Variants in MUSK observed in about 807,000 individuals in gnomAD.
The protein encoded by MUSK is muscle, skeletal receptor tyrosine-protein kinase.
In MUSK, 55 loss-of-function variants were observed where a neutral mutation model predicts 88.7. The ratio of observed to expected loss-of-function variants is 0.62; its 90% CI spans 0.50 to 0.78. The LOEUF (loss-of-function observed/expected upper bound fraction) is 0.78. Ranked by LOEUF, MUSK falls within the 30% of genes least tolerant of loss-of-function variation. The pLI, the probability that MUSK is intolerant of heterozygous loss-of-function variation, is 0.00. For synonymous variants in MUSK, 387 were observed against 391.9 expected, an observed-to-expected ratio of 0.99 and a Z score of 0.15; for missense variants, 1,015 against 1,074.3, an observed-to-expected ratio of 0.94 and a Z score of 0.77.
At chr9:110,708,910 G>A (rs73657646) in intron 5 of MUSK, among the ~76,000 whole-genome samples, 4,756 of 152,170 alleles carry the variant, frequency 0.031, 250 homozygotes, top group African/African-American at 0.1. Flanking sequence ...AAAAGTTATC[G>A]TGACCTGAAA....
At chr9:110,680,078 CAGAG>C (rs1405422272) in intron 1 of MUSK, among the ~76,000 whole-genome samples, 13 of 152,152 alleles carry the variant, frequency 8.5e-5, no homozygotes, top group Non-Finnish European at 1.6e-4. Flanking sequence ...GTAACTATTT[CAGAG>C]AAAGTCTGTG....
chr9:110,755,338 T>A (rs1041591782), intron 7 of MUSK, among the ~76,000 whole-genome samples: 1 of 152,202 alleles, frequency 6.6e-6, no homozygotes, highest in African/African-American at 2.4e-5. Flanking sequence ...AGTTTGTTTT[T>A]AAAGTGCATT....
At chr9:110,676,297 GTGTATATGTAAGTGTATATATGT>G (rs1009658808) in intron 1 of MUSK, among the ~76,000 whole-genome samples, 1 of 111,082 alleles carries the variant, frequency 9.0e-6, no homozygotes, top group African/African-American at 3.3e-5. Flanking sequence ...ATATGTGTGT[GTGTATATGTAAGTGTATATATGT>G]TGTATATATA....
chr9:110,755,836 G>A (rs1268006423), intron 7 of MUSK, among the ~76,000 whole-genome samples: 1 of 150,540 alleles, frequency 6.6e-6, no homozygotes, highest in African/African-American at 2.4e-5. Context: ...ATATGTTTTA[G>A]TTCTTTCTCT....
In MUSK at chr9:110,714,946, C is replaced by T. The variant is rs564216618; in HGVS notation, c.628+17480C>T. On this transcript the variant is annotated intron_variant, in intron 5 of 14. Coordinates refer to ENST00000374448, the MANE Select transcript of MUSK (RefSeq NM_005592.4). The stretch of plus-strand genomic sequence containing the variant: ...AGCATCTATGTTTTAATAACAGGGT[C>T]GAAAGAATTTCTCTCTCTACAGAGT... Among the ~76,000 whole-genome samples the T allele has an allele frequency of 5.1e-5, 7 of 137,502 alleles. No homozygotes were observed. In the South Asian group the frequency reaches 6.7e-4, roughly 13 times the overall value. 90.2% of individuals were successfully genotyped at this position (137,502 alleles called of 152,430 possible). A position where few individuals can be genotyped will look rare whatever the true frequency, so the allele number is the denominator to read the frequency against.
chr9:110,724,562 T>TC (rs1057375997), intron 5 of MUSK, among the ~76,000 whole-genome samples: 11 of 151,904 alleles, frequency 7.2e-5, no homozygotes, highest in Non-Finnish European at 1.3e-4. Flanking sequence ...GAGCCTCCAA[T>TC]CCCCCATCTC....
At chr9:110,693,589 T>C (rs761719872) in intron 3 of MUSK, among the ~76,000 whole-genome samples, 2 of 152,234 alleles carry the variant, frequency 1.3e-5, no homozygotes, top group Admixed American at 6.5e-5. Context: ...CTGAATCATG[T>C]TCCCTTACAG....
At chr9:110,676,364 T>TATATATTATATATA (rs777356764) in intron 1 of MUSK, among the ~76,000 whole-genome samples, 1,326 of 124,346 alleles carry the variant, frequency 0.011, 28 homozygotes, top group African/African-American at 0.031. Flanking sequence ...TATTATATAT[T>TATATATTATATATA]ATATATGTGT....
intron 7 of MUSK, among the ~76,000 whole-genome samples, chr9:110,751,168 C>T (rs920056479): frequency 6.6e-6 from 1 of 152,172 alleles, no homozygotes; most frequent in Non-Finnish European, 1.5e-5. Flanking sequence ...GACTACAGGG[C>T]ATGATTGCCA....
chr9:110,732,323 CTCT>C (rs2076976276), intron 5 of MUSK, among the ~76,000 whole-genome samples: 1 of 152,036 alleles, frequency 6.6e-6, no homozygotes, highest in African/African-American at 2.4e-5. Context: ...TGCACATGGA[CTCT>C]AAGTCTCCAT....
At position 110,738,652 on chromosome 9, in the gene MUSK, T is replaced by C. The variant is rs577848833; in HGVS notation, c.753+4277T>C. Among the ~76,000 whole-genome samples the C allele has an allele frequency of 3.9e-5, 6 of 152,292 alleles. 1 individual carries two copies. The highest frequency in any genetic ancestry group is 2.1e-4 in the South Asian group (1 of 4,826). ...CTCATGCTCACTCATTCTTCCCCCA[T>C]TTCCTAGCTGCTCTTTATGACCCCA... On this transcript the variant is annotated intron_variant, in intron 6 of 14. Coordinates refer to ENST00000374448, the MANE Select transcript of MUSK (RefSeq NM_005592.4).
At position 110,803,136 on chromosome 9, in the gene MUSK, A is replaced by C. The variant is rs1243207406; in HGVS notation, c.*2148A>C. Among the ~76,000 whole-genome samples, 2 of 152,242 alleles carry C rather than the reference A, an allele frequency of 1.3e-5. No individual in the cohort carries two copies. The highest frequency in any genetic ancestry group is 2.9e-5 in the Non-Finnish European group (2 of 68,030). ...TAAAGTTTTGTTGTAAAAGACAGAC[A>C]TAGAAGTCAGGCTGACAGAAAATAG... On this transcript the variant is annotated 3_prime_UTR_variant, in exon 15 of 15. Coordinates refer to ENST00000374448, the MANE Select transcript of MUSK (RefSeq NM_005592.4).
chr9:110,786,503 G>A (rs1168481295), intron 13 of MUSK, among the ~76,000 whole-genome samples: 1 of 151,792 alleles, frequency 6.6e-6, no homozygotes. Flanking sequence ...TCACTTCTAC[G>A]ATTTTTAAAT....
At chr9:110,715,673 T>G (rs1460930632) in intron 5 of MUSK, among the ~76,000 whole-genome samples, 8 of 148,340 alleles carry the variant, frequency 5.4e-5, no homozygotes, top group Non-Finnish European at 1.2e-4. Context: ...TAGTGCCATT[T>G]CATTAAATTG....
chr9:110,767,994 C>T lies in MUSK; in HGVS notation c.1095C>T (p.Val365=), dbSNP rs1191402029. The T allele has an allele frequency of 1.2e-6, 2 of 1,614,006 alleles. No homozygotes were observed. Among genetic ancestry groups the T allele is most frequent in the East Asian group, 2.2e-5 (1 of 44,872 alleles). ...ATGAACTGAAAGTAGTGAGCCCAGT[C>T]TGCCGGCCAGCTGCTGAGGCTTTGT... ...AWNELKVVSP[V]CRPAAEALLC... is the part of the protein sequence containing the mutation. Residue 365 remains valine, a synonymous_variant, in exon 9 of 15, where the codon GTC becomes GTT. Coordinates refer to ENST00000374448, the MANE Select transcript of MUSK (RefSeq NM_005592.4).
At chr9:110,787,996 A>G (rs2077904541) in intron 14 of MUSK, 158 bp downstream of exon 14, 2 of 762,052 alleles carry the variant, frequency 2.6e-6, no homozygotes, top group Non-Finnish European at 2.3e-6. Context: ...TCCCAACCCT[A>G]TAGGACATTC....
chr9:110,674,587 AGATGATGAT>A (rs144338094), intron 1 of MUSK, among the ~76,000 whole-genome samples: 2 of 151,744 alleles, frequency 1.3e-5, no homozygotes, highest in African/African-American at 4.8e-5. Context: ...AGATTCCCAG[AGATGATGAT>A]GATGATGATG....
At chr9:110,755,940 A>ATATATATATATACG (rs2077308121) in intron 7 of MUSK, among the ~76,000 whole-genome samples, 2 of 76,188 alleles carry the variant, frequency 2.6e-5, no homozygotes, top group African/African-American at 1.2e-4. Context: ...ATACATATAT[A>ATATATATATATACG]TATATATATA....
chr9:110,687,298 T>G (rs768783484), intron 3 of MUSK, 30 bp downstream of exon 3: 2 of 1,612,130 alleles, frequency 1.2e-6, no homozygotes, highest in African/African-American at 2.7e-5. Flanking sequence ...GTCTATTGAT[T>G]TGAAAGTTGA....
Sources: gnomAD v4.1 joint callset for allele counts (sites outside exome capture counted in the v4.1 genomes callset) on GRCh38, gnomAD v4.1.1 for gene constraint, MANE v1.5 for transcripts, NCBI Gene and HGNC (gene_info 2026-07-23, HGNC 2026-07-21) for gene names.